SLC25A22: variants seen among roughly 807,000 people sequenced by gnomAD.
SLC25A22 encodes the protein mitochondrial glutamate carrier 1.
In SLC25A22, 23 loss-of-function variants were observed where a neutral mutation model predicts 33.7. The observed-to-expected ratio is 0.68, with a 90% confidence interval of 0.49 to 0.97. The LOEUF (loss-of-function observed/expected upper bound fraction) is 0.97, where lower values mean the gene tolerates loss of function less well. SLC25A22 is among the 50% of genes least tolerant of loss of function. SLC25A22 has a pLI of 0.00. For missense variants in SLC25A22, 390 were observed against 451.1 expected (o/e 0.86, Z 1.23); for synonymous variants, 245 against 203.8 (o/e 1.20, Z -1.72).
rs1202833680 is a variant in SLC25A22, at chr11:794,286, C to G, written c.202+172G>C. On this transcript the variant is annotated intron_variant, in intron 4 of 9. Coordinates refer to ENST00000628067, the MANE Select transcript of SLC25A22 (RefSeq NM_001191061.2). ...CCACGGGAGAGGCTGAGAACTACCA[C>G]TCACCAGAGATCCAGTCCCCCCTGC... 8 of 809,578 alleles carry G rather than the reference C, an allele frequency of 9.9e-6. No individual in the cohort carries two copies. The East Asian group carries it at 1.1e-4, about 11-fold the overall frequency. 50.1% of individuals were successfully genotyped at this position (809,578 alleles called of 1,614,324 possible).
In SLC25A22 at chr11:791,598, G is replaced by A. The variant is rs1052199726; in HGVS notation, c.*317C>T. On this transcript the variant is annotated 3_prime_UTR_variant, in exon 10 of 10. Coordinates refer to ENST00000628067, the MANE Select transcript of SLC25A22 (RefSeq NM_001191061.2). The stretch of plus-strand genomic sequence containing the variant: ...GGTCCAGCCTGCCCGGCCCAGGCCC[G>A]GGGGCCCCCAGCCCAGAGACCAGCT... 1.9e-5 allele frequency: 8 copies of A among 424,010 alleles called. No homozygotes were observed. Among genetic ancestry groups the A allele is most frequent in the African/African-American group, 4.0e-5 (2 of 49,634 alleles). 26.3% of individuals were successfully genotyped at this position (424,010 alleles called of 1,614,324 possible).
chr11:794,246 G>A (rs1186543927), intron 4 of SLC25A22: 2 of 711,438 alleles, frequency 2.8e-6, no homozygotes, highest in Admixed American at 2.0e-5. Flanking sequence ...GGCACTAAGT[G>A]GGGGTGGGGA....
chr11:791,956 C>A lies in SLC25A22; in HGVS notation c.931G>T (p.Ala311Ser), dbSNP rs1462163366. Residue 311 changes from alanine to serine, a missense_variant, in exon 10 of 10, where the codon GCG (alanine) becomes TCG (serine). Physicochemically the swap from Ala to Ser is moderately conservative, Grantham distance 99 (BLOSUM62 1). Transcript: ENST00000628067. ...IAQVVYFLGI[A>S]ESLLGLLQDP... ...TGCAGCAGCCCCAGCAGGGACTCCG[C>A]GATGCCCAGGAAGTAGACCACCTGT... 5 of 1,605,984 alleles carry A rather than the reference C, an allele frequency of 3.1e-6. No individual in the cohort carries two copies. Among genetic ancestry groups the A allele is most frequent in the Non-Finnish European group, 4.2e-6 (5 of 1,179,556 alleles).
rs940664425 is a variant in SLC25A22 at position 795,350 on chromosome 11, A to G, written c.-163-181T>C. 2.7e-5 allele frequency: 9 copies of G among 335,422 alleles called. No individual in the cohort carries two copies. In the Admixed American group the frequency reaches 3.8e-4, roughly 14 times the overall value. The allele number at this position is 335,422 out of a possible 1,614,324, so 20.8% of individuals were successfully genotyped here. On this transcript the variant is annotated intron_variant, in intron 1 of 9. Transcript: ENST00000628067. ...CAGTCCCATGCTCACCCCTGGGACC[A>G]CCTGGCTTCCTTTCAGTCCCCCCCT... is the stretch of plus-strand genomic sequence containing the variant.
In SLC25A22 at chr11:792,924, C is replaced by T. The variant is rs774410865; in HGVS notation, c.358G>A (p.Val120Met). 20 of 1,613,334 alleles carry T rather than the reference C, an allele frequency of 1.2e-5. No individual in the cohort carries two copies. The highest frequency in any genetic ancestry group is 1.4e-5 in the Non-Finnish European group (17 of 1,179,920). The change falls in exon 6 of 10, where the codon GTG becomes ATG. Residue 120 changes from valine (V) to methionine (M), a missense_variant. Physicochemically the swap from Val to Met is conservative, Grantham distance 21 (BLOSUM62 1). Transcript: ENST00000628067. ...TTCAGCATCTCCATGGGCGTGGTCACGATCACCTGGCAGGTGCCAGCCCCA... is the reference window on the plus strand; with the variant it reads ...TTCAGCATCTCCATGGGCGTGGTCATGATCACCTGGCAGGTGCCAGCCCCA... ...GCGAGTCQVI[V>M]TTPMEMLKIQ...
intron 1 of SLC25A22, chr11:795,398 G>A: frequency 3.2e-6 from 1 of 312,824 alleles, no homozygotes; most frequent in Non-Finnish European, 5.8e-6. Flanking sequence ...CGTCTTCCCA[G>A]CCAGCCTCAC....
At chr11:795,495 C>T (rs1215055185) in intron 1 of SLC25A22, 6 of 325,598 alleles carry the variant, frequency 1.8e-5, no homozygotes, top group South Asian at 5.1e-5. Flanking sequence ...TGCCAGGGGC[C>T]GGGGCCAGGG....
In SLC25A22 at chr11:792,916, C is replaced by T. The variant is rs1023694193; in HGVS notation, c.366G>A (p.Thr122=). ...GCTGGATCTTCAGCATCTCCATGGG[C>T]GTGGTCACGATCACCTGGCAGGTGC... ...GAGTCQVIVT[T]PMEMLKIQLQ... The change falls in exon 6 of 10, where the codon ACG becomes ACA. Residue 122 remains threonine (T), a synonymous_variant. Transcript: ENST00000628067. 21 of 1,608,086 alleles carry T rather than the reference C, an allele frequency of 1.3e-5. No homozygotes were observed. Among genetic ancestry groups the T allele is most frequent in the Non-Finnish European group, 1.6e-5 (19 of 1,176,692 alleles).
intron 1 of SLC25A22, 62 bp downstream of exon 1, chr11:798,155 C>T (rs1207141028): frequency 2.5e-6 from 1 of 397,960 alleles, no homozygotes; most frequent in Non-Finnish European, 4.4e-6. Context: ...CACCTCTCGC[C>T]CCCGCAGCCC....
At chr11:793,052 G>A in intron 5 of SLC25A22, 64 bp from the exon 6 acceptor site, 1 of 1,484,324 alleles carries the variant, frequency 6.7e-7, no homozygotes, top group African/African-American at 1.4e-5. Context: ...CCTCGGGGCT[G>A]CCCACCATGC....
chr11:797,985 G>A (rs936777863), intron 1 of SLC25A22: 3 of 398,342 alleles, frequency 7.5e-6, no homozygotes, highest in Admixed American at 4.4e-5. Context: ...CACCCTCGGG[G>A]ACACGTATGT....
At chr11:793,745 C>T (rs1864655427) in intron 4 of SLC25A22, 126 bp from the exon 5 acceptor site, 3 of 717,068 alleles carry the variant, frequency 4.2e-6, no homozygotes, top group Non-Finnish European at 7.4e-6. Context: ...TCTGTTCTCT[C>T]ACCCACATTT....
chr11:795,142 C>T lies in SLC25A22; in HGVS notation c.-136G>A. ...TGGTGCTCCACCTTCAGGGGAATTT[C>T]CAGGCGTCAGCAACCGCCACTTCTG... On this transcript the variant is annotated 5_prime_UTR_variant, in exon 2 of 10. Coordinates refer to ENST00000628067, the MANE Select transcript of SLC25A22 (RefSeq NM_001191061.2). 8.9e-7 allele frequency: 1 copy of T among 1,124,010 alleles called. No individual in the cohort carries two copies. 69.6% of individuals were successfully genotyped at this position (1,124,010 alleles called of 1,614,324 possible).
In SLC25A22 at chr11:794,756, C is replaced by T. The variant is rs533314464; in HGVS notation, c.146+20G>A. The T allele has an allele frequency of 1.6e-5, 25 of 1,593,242 alleles. No homozygotes were observed. The Middle Eastern group carries it at 8.7e-4, about 56-fold the overall frequency. On this transcript the variant is annotated intron_variant, in intron 3 of 9. Coordinates refer to ENST00000628067, the MANE Select transcript of SLC25A22 (RefSeq NM_001191061.2). The stretch of plus-strand genomic sequence containing the variant: ...TGCCACATGCTGGGCCCACTCCCCG[C>T]GACCGCCCGGCACACTCACATGCTC...
rs985558188 is a variant in SLC25A22, at chr11:793,334, A to T, written c.293+195T>A. The stretch of plus-strand genomic sequence containing the variant: ...CTCAGGCCAAGGGCTACCAAGCCAG[A>T]GCCCCACTGATTTGACATCTGCTTT... On this transcript the variant is annotated intron_variant, in intron 5 of 9. Transcript: ENST00000628067. The T allele has an allele frequency of 2.5e-5, 16 of 641,362 alleles. No homozygotes were observed. The East Asian group carries it at 4.1e-4, about 16-fold the overall frequency. The allele number at this position is 641,362 out of a possible 1,614,324, so 39.7% of individuals were successfully genotyped here. A position where few individuals can be genotyped will look rare whatever the true frequency, so the allele number is the denominator to read the frequency against.
chr11:791,978 C>T lies in SLC25A22; in HGVS notation c.909G>A (p.Gln303=), dbSNP rs756957992. The change falls in exon 10 of 10, where the codon CAG becomes CAA. Residue 303 remains glutamine (Q), a synonymous_variant. Coordinates refer to ENST00000628067, the MANE Select transcript of SLC25A22 (RefSeq NM_001191061.2). ...CCGCGATGCCCAGGAAGTAGACCAC[C>T]TGTGCGATGCCGAAAAGGGGCGCGA... is the stretch of plus-strand genomic sequence containing the variant. The part of the protein sequence containing the change: ...LVIAPLFGIA[Q]VVYFLGIAES... The T allele has an allele frequency of 7.4e-5, 119 of 1,608,994 alleles. No individual in the cohort carries two copies. The highest frequency in any genetic ancestry group is 9.8e-5 in the Non-Finnish European group (116 of 1,179,490).
Position 792,129 on chromosome 11 carries a change from G to A in SLC25A22, c.818+13C>T. The stretch of plus-strand genomic sequence containing the variant: ...CAGGCCCCCAGGCCCCACCCGCCGT[G>A]GGACCTCCCCACCTGGCACAGTCCA... On this transcript the variant is annotated intron_variant, in intron 9 of 9. Transcript: ENST00000628067. 1 of 1,611,498 alleles carries A rather than the reference G, an allele frequency of 6.2e-7. No individual in the cohort carries two copies. The highest frequency in any genetic ancestry group is 1.1e-5 in the South Asian group (1 of 90,844).
At chr11:795,367 T>TCCCCCCCCCCCCCCCCCCCCCCCCCCCCC (rs1361777569) in intron 1 of SLC25A22, 198 bp from the exon 2 acceptor site, 2 of 157,338 alleles carry the variant, frequency 1.3e-5, no homozygotes, top group Admixed American at 1.1e-4. Context: ...TTCCTTTCAG[T>TCCCCCCCCCCCCCCCCCCCCCCCCCCCCC]CCCCCCCTCC....
intron 5 of SLC25A22, 76 bp from the exon 6 acceptor site, chr11:793,064 TG>T (rs1864622934): frequency 1.4e-6 from 2 of 1,403,878 alleles, no homozygotes; most frequent in Admixed American, 3.7e-5. Flanking sequence ...CCACCATGCC[TG>T]GGCGCAGAGG....
Sources: gnomAD v4.1 joint callset for allele counts on GRCh38, gnomAD v4.1.1 for gene constraint, MANE v1.5 for transcripts, NCBI Gene and HGNC (gene_info 2026-07-23, HGNC 2026-07-21) for gene names.